DEPDC5: variants seen among roughly 807,000 people sequenced by gnomAD.
The protein encoded by DEPDC5 is DEP domain containing 5, GATOR1 subcomplex subunit, also known as GATOR1 complex protein DEPDC5.
In DEPDC5, 73 loss-of-function variants were observed where a neutral mutation model predicts 217.3. That is an observed-to-expected ratio of 0.34 (90% confidence interval 0.28 to 0.41). The LOEUF (loss-of-function observed/expected upper bound fraction) is 0.41, where lower values mean the gene tolerates loss of function less well. DEPDC5 is among the 10% of genes least tolerant of loss of function. The pLI is 1.00. For missense variants in DEPDC5, 1,675 were observed against 2,070.1 expected (o/e 0.81, Z 3.70); for synonymous variants, 733 against 756.7 (o/e 0.97, Z 0.51).
Position 31,838,674 on chromosome 22 carries a change from G to A in DEPDC5, c.2355-11G>A, listed in dbSNP as rs201874907. The A allele has an allele frequency of 1.1e-5, 17 of 1,613,386 alleles. No individual in the cohort carries two copies. The highest frequency in any genetic ancestry group is 1.4e-5 in the Non-Finnish European group (16 of 1,179,644). ...CAAGCATCTGTATGAGCAATCATCT[G>A]TTGTTTTCAGGAGGGACGAAGATGG... On this transcript the variant is annotated splice_polypyrimidine_tract_variant and intron_variant, in intron 26 of 42. Transcript: ENST00000651528.
At chr22:31,879,047 T>A (rs200303781) in intron 37 of DEPDC5, among the ~76,000 whole-genome samples, 26,869 of 112,648 alleles carry the variant, frequency 0.24, 4,030 homozygotes, top group African/African-American at 0.44. Flanking sequence ...AAAAAAAATA[T>A]ATATATATAT....
At chr22:31,776,952 ATTAG>A (rs2083921360) in intron 7 of DEPDC5, among the ~76,000 whole-genome samples, 1 of 151,192 alleles carries the variant, frequency 6.6e-6, no homozygotes, top group Non-Finnish European at 1.5e-5. Flanking sequence ...CCAAGTTGCT[ATTAG>A]TTAATTATTA....
intron 12 of DEPDC5, among the ~76,000 whole-genome samples, chr22:31,793,610 C>T (rs963751710): frequency 5.9e-5 from 9 of 152,074 alleles, no homozygotes; most frequent in Admixed American, 3.9e-4. Context: ...TTCACTCTCT[C>T]GCCCAGGCTG....
At chr22:31,895,889 G>A (rs1021186080) in intron 39 of DEPDC5, among the ~76,000 whole-genome samples, 1 of 151,804 alleles carries the variant, frequency 6.6e-6, no homozygotes, top group African/African-American at 2.4e-5. Context: ...TGCTCATTCT[G>A]CTCAGCTCAC....
chr22:31,906,164 C>T lies in DEPDC5; in HGVS notation c.4520-41C>T. 1.9e-6 allele frequency: 3 copies of T among 1,612,800 alleles called. No individual in the cohort carries two copies. Among genetic ancestry groups the T allele is most frequent in the Non-Finnish European group, 2.5e-6 (3 of 1,179,150 alleles). On this transcript the variant is annotated intron_variant, in intron 42 of 42. Coordinates refer to ENST00000651528, the MANE Select transcript of DEPDC5 (RefSeq NM_001242896.3). The surrounding 1 kb of genome is among the most constrained non-coding windows in gnomAD (Gnocchi z 5.1). ...ACCACCTCAGCAGGCTCCAGGAGCC[C>T]TCCTGGTGGCTGCCACACAGGCGCT...
At chr22:31,878,163 G>A (rs972396071) in intron 37 of DEPDC5, among the ~76,000 whole-genome samples, 1 of 151,120 alleles carries the variant, frequency 6.6e-6, no homozygotes, top group Non-Finnish European at 1.5e-5. Flanking sequence ...CTCCAGCTTC[G>A]TGACAGAGCG....
chr22:31,823,780 C>T (rs757380901), intron 24 of DEPDC5, among the ~76,000 whole-genome samples: 3 of 152,054 alleles, frequency 2.0e-5, no homozygotes, highest in Admixed American at 1.3e-4. Context: ...GGCAACTTAA[C>T]GTCCAGAGAG....
rs7292270 is a variant in DEPDC5 at position 31,814,405 on chromosome 22, A to G, written c.1446-587A>G. On this transcript the variant is annotated intron_variant, in intron 20 of 42. Coordinates refer to ENST00000651528, the MANE Select transcript of DEPDC5 (RefSeq NM_001242896.3). ...GTCAGTTTTTTGAATTGCCTCAAAA[A>G]TGTGCTTTTGCAGTTAGTTTGAAAT... 4.3e-3 allele frequency: 653 copies of G among 153,254 alleles called. 1 individual carries two copies. Among genetic ancestry groups the G allele is most frequent in the African/African-American group, 0.013 (548 of 41,550 alleles). The allele number at this position is 153,254 out of a possible 1,614,324, so 9.5% of individuals were successfully genotyped here.
At chr22:31,825,089 G>A (rs1395751978) in intron 24 of DEPDC5, among the ~76,000 whole-genome samples, 1 of 152,130 alleles carries the variant, frequency 6.6e-6, no homozygotes, top group East Asian at 1.9e-4. Context: ...GCTGTTTGGG[G>A]TAGAGTTGCG....
chr22:31,805,551 A>G (rs547796336), intron 17 of DEPDC5, among the ~76,000 whole-genome samples: 28 of 150,568 alleles, frequency 1.9e-4, no homozygotes, highest in Non-Finnish European at 2.5e-4. Flanking sequence ...CCCAGGCTGG[A>G]GTGCAGTGAC....
chr22:31,820,381 G>A (rs1447879681), intron 22 of DEPDC5, among the ~76,000 whole-genome samples: 1 of 152,094 alleles, frequency 6.6e-6, no homozygotes, highest in Non-Finnish European at 1.5e-5. Context: ...CAGTGTGCTG[G>A]CATTACAGGC....
chr22:31,774,261 G>A (rs1321108104), intron 7 of DEPDC5, among the ~76,000 whole-genome samples: 3 of 150,412 alleles, frequency 2.0e-5, no homozygotes, highest in Non-Finnish European at 4.4e-5. Context: ...CAGTGCAGTG[G>A]CGTGATCTTG....
At chr22:31,852,795 A>G (rs898889727) in intron 31 of DEPDC5, 1 of 152,230 alleles carries the variant, frequency 6.6e-6, no homozygotes, top group Admixed American at 6.5e-5. Context: ...ATATCATGAA[A>G]TAGCCAGTTG....
chr22:31,796,073 A>G (rs1479495008), intron 12 of DEPDC5, among the ~76,000 whole-genome samples: 4 of 146,794 alleles, frequency 2.7e-5, no homozygotes, highest in African/African-American at 5.0e-5. Context: ...ATGCCAATCC[A>G]TGTTAAACAC....
chr22:31,842,016 TC>T (rs2091424900), intron 27 of DEPDC5, among the ~76,000 whole-genome samples: 1 of 152,242 alleles, frequency 6.6e-6, no homozygotes, highest in Admixed American at 6.5e-5. Flanking sequence ...TTTTCCTCTT[TC>T]CTGCGTTCAG....
rs1461786862 is a variant in DEPDC5 at position 31,812,425 on chromosome 22, T to C, written c.1445+1784T>C. On this transcript the variant is annotated intron_variant, in intron 20 of 42. Transcript: ENST00000651528. ...TGAATCAATTTTCCATATTTCTTTT[T>C]TTTTTTTTTTTTTTTTTGAGACAGA... Among the ~76,000 whole-genome samples, 11 of 140,682 alleles carry C rather than the reference T, an allele frequency of 7.8e-5. No individual in the cohort carries two copies. In the East Asian group the frequency reaches 8.0e-4, roughly 10 times the overall value. The allele number at this position is 140,682 out of a possible 152,430, so 92.3% of individuals were successfully genotyped here. A position where few individuals can be genotyped will look rare whatever the true frequency, so the allele number is the denominator to read the frequency against.
intron 7 of DEPDC5, among the ~76,000 whole-genome samples, chr22:31,773,058 A>G (rs890749944): frequency 6.6e-5 from 10 of 152,228 alleles, no homozygotes; most frequent in Non-Finnish European, 1.5e-4. Context: ...ATGAGATTAC[A>G]GATGTAAGTC....
chr22:31,870,283 C>T (rs913710359), intron 33 of DEPDC5, among the ~76,000 whole-genome samples: 1 of 152,024 alleles, frequency 6.6e-6, no homozygotes, highest in Non-Finnish European at 1.5e-5. Flanking sequence ...GGTGCTGAAG[C>T]GATTTCTTTG....
At position 31,857,572 on chromosome 22, in the gene DEPDC5, G is replaced by A. The variant is rs1377710160; in HGVS notation, c.3264+19G>A. On this transcript the variant is annotated intron_variant, in intron 32 of 42. Coordinates refer to ENST00000651528, the MANE Select transcript of DEPDC5 (RefSeq NM_001242896.3). ...ACGAAAGGTAAAGGAAGCCGCGGTAGCAGGGAGCTGTTCTGTGCTCTCAGA... is the reference window on the plus strand; with the variant it reads ...ACGAAAGGTAAAGGAAGCCGCGGTAACAGGGAGCTGTTCTGTGCTCTCAGA... 1.9e-6 allele frequency: 3 copies of A among 1,586,148 alleles called. No homozygotes were observed. The highest frequency in any genetic ancestry group is 1.8e-5 in the Admixed American group (1 of 56,586).
Sources: allele counts gnomAD v4.1 joint callset (sites outside exome capture counted in the v4.1 genomes callset), GRCh38; gene constraint gnomAD v4.1.1; non-coding constraint Gnocchi (gnomAD v3.1); transcripts MANE v1.5; gene names NCBI Gene and HGNC (gene_info 2026-07-23, HGNC 2026-07-21).